Variants in RILPL1 observed in about 807,000 individuals in gnomAD.
RILPL1 encodes RILP-like protein 1.
A neutral mutation model predicts 50.3 loss-of-function variants in RILPL1; 33 were observed. The observed-to-expected ratio is 0.66, with a 90% CI of 0.50 to 0.88. The LOEUF is 0.88. Among genes scored for constraint, RILPL1 ranks in the 40% least tolerant of loss-of-function variants. The probability of loss-of-function intolerance (pLI) is 0.00; values close to 1 mark genes in which losing one functional copy is unlikely to be tolerated. For synonymous variants in RILPL1, 205 were observed against 228.6 expected (o/e 0.90, Z 0.93); for missense variants, 418 against 542.5 (o/e 0.77, Z 2.28).
In RILPL1 at chr12:123,485,208, G is replaced by T. The variant is rs1882247565; in HGVS notation, c.974+425C>A. 1 of 457,382 alleles carries T rather than the reference G, an allele frequency of 2.2e-6. No homozygotes were observed. The allele number at this position is 457,382 out of a possible 1,614,324, so 28.3% of individuals were successfully genotyped here. A position where few individuals can be genotyped will look rare whatever the true frequency, so the allele number is the denominator to read the frequency against. ...AGACTTCTGGTCTCATGTTGCTTGT[G>T]GTCTCATGTGGAAACCTACAATAAA... On this transcript the variant is annotated intron_variant, in intron 5 of 6. Coordinates refer to ENST00000376874, the MANE Select transcript of RILPL1 (RefSeq NM_178314.5). The surrounding 1 kb of genome is among the most constrained non-coding windows in gnomAD (Gnocchi z 4.0).
chr12:123,516,032 T>TTAAAAAA (rs1489642623), intron 2 of RILPL1, among the ~76,000 whole-genome samples: 9 of 37,098 alleles, frequency 2.4e-4, no homozygotes, highest in African/African-American at 4.5e-4. Context: ...AGACTCTGTC[T>TTAAAAAA]CAAAAAAAAA....
intron 2 of RILPL1, among the ~76,000 whole-genome samples, chr12:123,510,617 T>G (rs1158822967): frequency 9.7e-4 from 65 of 67,184 alleles, no homozygotes; most frequent in South Asian, 3.6e-3. Flanking sequence ...TGTGTGTGTG[T>G]GGTATATGTG....
At chr12:123,494,474 C>T (rs1042914473) in intron 4 of RILPL1, among the ~76,000 whole-genome samples, 2 of 152,178 alleles carry the variant, frequency 1.3e-5, no homozygotes, top group East Asian at 1.9e-4. Context: ...GACAGGCAGT[C>T]GCGCCAAGGT....
At position 123,533,639 on chromosome 12, in the gene RILPL1, C is replaced by A. The variant is rs900161510; in HGVS notation, c.-157G>T. On this transcript the variant is annotated 5_prime_UTR_variant, in exon 1 of 7. Coordinates refer to ENST00000376874, the MANE Select transcript of RILPL1 (RefSeq NM_178314.5). The surrounding 1 kb of genome is among the most constrained non-coding windows in gnomAD (Gnocchi z 6.2). ...CGCAGCGGGCAGCGGGCGGCGGGCG[C>A]GGGCGCGGGCACGGGCGGCGGCGCG... The A allele has an allele frequency of 1.2e-5, 4 of 340,746 alleles. No individual in the cohort carries two copies. Among genetic ancestry groups the A allele is most frequent in the Non-Finnish European group, 1.6e-5 (4 of 243,630 alleles). The allele number at this position is 340,746 out of a possible 1,614,324, so 21.1% of individuals were successfully genotyped here.
intron 2 of RILPL1, among the ~76,000 whole-genome samples, chr12:123,503,186 CTTT>C (rs373514624): frequency 1.1e-3 from 88 of 80,662 alleles, no homozygotes; most frequent in African/African-American, 4.8e-3. Context: ...CACGCCTGGC[CTTT>C]TTTTTTTTTT....
chr12:123,487,151 T>G (rs947476980), intron 4 of RILPL1, among the ~76,000 whole-genome samples: 2 of 152,182 alleles, frequency 1.3e-5, no homozygotes, highest in Non-Finnish European at 2.9e-5. Context: ...CCTGAGCCCT[T>G]GGCAAATGCC....
rs980153809 is a variant in RILPL1 at position 123,533,703 on chromosome 12, C to T, written c.-221G>A. On this transcript the variant is annotated 5_prime_UTR_variant, in exon 1 of 7. Transcript: ENST00000376874. This position sits in a 1 kb window ranked among gnomAD's most constrained non-coding sequence, Gnocchi z 6.2. ...CGGGGTCTGGGCGCCCGGCTCGGCC[C>T]GGAGCTGCTCCCGAGTGGGCGGCGG... The T allele has an allele frequency of 1.2e-5, 2 of 166,164 alleles. No homozygotes were observed. Among genetic ancestry groups the T allele is most frequent in the African/African-American group, 4.9e-5 (2 of 40,902 alleles). The allele number at this position is 166,164 out of a possible 1,614,324, so 10.3% of individuals were successfully genotyped here. A position where few individuals can be genotyped will look rare whatever the true frequency, so the allele number is the denominator to read the frequency against.
chr12:123,526,318 T>TAAAATAAC (rs1885256562), intron 1 of RILPL1, among the ~76,000 whole-genome samples: 3 of 15,466 alleles, frequency 1.9e-4, no homozygotes, highest in Non-Finnish European at 1.3e-3. Flanking sequence ...AAAATAAAAT[T>TAAAATAAC]AAAATAAAAT....
At chr12:123,487,851 T>G (rs924253536) in intron 4 of RILPL1, among the ~76,000 whole-genome samples, 1 of 152,238 alleles carries the variant, frequency 6.6e-6, no homozygotes, top group African/African-American at 2.4e-5. Flanking sequence ...TCAAACCGTT[T>G]CCCACGGCAG....
chr12:123,523,445 T>C, intron 2 of RILPL1, 50 bp downstream of exon 2: 1 of 1,610,346 alleles, frequency 6.2e-7, no homozygotes, highest in Non-Finnish European at 8.5e-7. Context: ...ATGTGGGCAA[T>C]AAGAAAAGGA....
At position 123,485,553 on chromosome 12, in the gene RILPL1, G is replaced by A. The variant is rs917399164; in HGVS notation, c.974+80C>T. 6.8e-6 allele frequency: 9 copies of A among 1,322,886 alleles called. No individual in the cohort carries two copies. Among genetic ancestry groups the A allele is most frequent in the Non-Finnish European group, 9.5e-6 (9 of 948,636 alleles). 81.9% of individuals were successfully genotyped at this position (1,322,886 alleles called of 1,614,324 possible). A position where few individuals can be genotyped will look rare whatever the true frequency, so the allele number is the denominator to read the frequency against. On this transcript the variant is annotated intron_variant, in intron 5 of 6. Transcript: ENST00000376874. The surrounding 1 kb of genome is among the most constrained non-coding windows in gnomAD (Gnocchi z 4.0). ...TGATGAAATGCTTGTCTTCCAGGGG[G>A]TAAGAAGGTAACTGTACAGAAACTC... is the stretch of plus-strand genomic sequence containing the variant.
intron 5 of RILPL1, 70 bp from the exon 6 acceptor site, chr12:123,484,342 G>T: frequency 9.7e-7 from 1 of 1,026,920 alleles, no homozygotes; most frequent in Non-Finnish European, 1.5e-6. Flanking sequence ...TTCCAGAAGA[G>T]AAGTGTCTGA....
At chr12:123,513,307 T>C (rs1884496142) in intron 2 of RILPL1, 1 of 342,624 alleles carries the variant, frequency 2.9e-6, no homozygotes, top group Admixed American at 3.5e-5. Context: ...CGCCTGCCAT[T>C]TGAACACTTG....
intron 2 of RILPL1, among the ~76,000 whole-genome samples, chr12:123,510,429 G>T (rs1392141003): frequency 6.7e-6 from 1 of 148,894 alleles, no homozygotes; most frequent in Non-Finnish European, 1.5e-5. Flanking sequence ...TCTGTGTCTG[G>T]TGTGTGTGTG....
At position 123,523,481 on chromosome 12, in the gene RILPL1, C is replaced by T. The variant is rs752813631; in HGVS notation, c.460+14G>A. On this transcript the variant is annotated intron_variant, in intron 2 of 6. Transcript: ENST00000376874. ...ATGGCCGGCCCCCTTGCATTGGCGC[C>T]GACCCCCACTTACCTTCATGCTTCT... 12 of 1,613,764 alleles carry T rather than the reference C, an allele frequency of 7.4e-6. No homozygotes were observed. The highest frequency in any genetic ancestry group is 3.3e-5 in the Admixed American group (2 of 60,004).
At position 123,522,859 on chromosome 12, in the gene RILPL1, C is replaced by G. The variant is rs902849254; in HGVS notation, c.460+636G>C. ...CTTCCTGCTTCAGCCTCCCAAAGTG[C>G]TGGGATCACAGGTGTGAGCCACTGC... On this transcript the variant is annotated intron_variant, in intron 2 of 6. Transcript: ENST00000376874. This position sits in a 1 kb window ranked among gnomAD's most constrained non-coding sequence, Gnocchi z 4.0. 2.6e-5 allele frequency among the ~76,000 whole-genome samples: 4 copies of G among 152,174 alleles called. No individual in the cohort carries two copies. The highest frequency in any genetic ancestry group is 9.7e-5 in the African/African-American group (4 of 41,444).
At chr12:123,520,219 C>T (rs1884947097) in intron 2 of RILPL1, among the ~76,000 whole-genome samples, 1 of 152,210 alleles carries the variant, frequency 6.6e-6, no homozygotes, top group African/African-American at 2.4e-5. Flanking sequence ...GGGCAAACGA[C>T]ATGCAGTATG....
rs544980534 is a variant in RILPL1 at position 123,477,723 on chromosome 12, G to A, written c.1068-5041C>T. Among the ~76,000 whole-genome samples, 7 of 152,040 alleles carry A rather than the reference G, an allele frequency of 4.6e-5. No homozygotes were observed. The East Asian group carries it at 1.4e-3, about 29-fold the overall frequency. On this transcript the variant is annotated intron_variant, in intron 6 of 6. Transcript: ENST00000376874. ...TCTGCTAAGTGAATGGGCCCCAGAG[G>A]CCAGACTACCGGACACAGTTAGCTT...
At chr12:123,499,669 C>T in intron 2 of RILPL1, 133 bp from the exon 3 acceptor site, 1 of 683,394 alleles carries the variant, frequency 1.5e-6, no homozygotes, top group East Asian at 2.7e-5. Flanking sequence ...CCTCTCCACT[C>T]TCCACTCACG....
Sources: allele counts gnomAD v4.1 joint callset (sites outside exome capture counted in the v4.1 genomes callset), GRCh38; gene constraint gnomAD v4.1.1; non-coding constraint Gnocchi (gnomAD v3.1); transcripts MANE v1.5; gene names NCBI Gene and HGNC (gene_info 2026-07-23, HGNC 2026-07-21).